FKBP15: variants seen among roughly 807,000 people sequenced by gnomAD.
FKBP15 encodes the protein FKBP prolyl isomerase family member 15.
FKBP15 carries 106 observed loss-of-function variants against 158.1 expected under a neutral mutation model. That is an observed-to-expected ratio of 0.67 (90% CI 0.57 to 0.79). FKBP15 has a LOEUF of 0.79. FKBP15 is among the 30% of genes least tolerant of loss of function. The pLI is 0.00. For synonymous variants in FKBP15, 547 were observed against 548.6 expected (o/e 1.00, Z 0.04); for missense variants, 1,287 against 1,479.1 (o/e 0.87, Z 2.13).
intron 9 of FKBP15, 92 bp from the exon 10 acceptor site, chr9:113,194,261 T>G: frequency 9.9e-7 from 1 of 1,015,218 alleles, no homozygotes; most frequent in African/African-American, 1.6e-5. Context: ...CTCTGGGGAC[T>G]GTTGTCGGGT....
At chr9:113,209,148 G>A (rs1830953988) in intron 2 of FKBP15, among the ~76,000 whole-genome samples, 1 of 151,966 alleles carries the variant, frequency 6.6e-6, no homozygotes, top group Admixed American at 6.6e-5. Flanking sequence ...TAAACTCATA[G>A]TTGCTGTCTT....
intron 24 of FKBP15, among the ~76,000 whole-genome samples, chr9:113,171,202 C>T (rs1830202193): frequency 6.6e-6 from 1 of 152,106 alleles, no homozygotes; most frequent in South Asian, 2.1e-4. Flanking sequence ...CTGAGGCAGG[C>T]GGATCACAAG....
intron 1 of FKBP15, among the ~76,000 whole-genome samples, chr9:113,218,807 A>T (rs1006150895): frequency 9.2e-5 from 14 of 152,300 alleles, no homozygotes; most frequent in African/African-American, 3.4e-4. Flanking sequence ...TAGAATCAAC[A>T]TTTGAATCTA....
At chr9:113,182,080 C>A (rs1005071673) in intron 19 of FKBP15, among the ~76,000 whole-genome samples, 7 of 152,116 alleles carry the variant, frequency 4.6e-5, no homozygotes, top group Non-Finnish European at 7.4e-5. Flanking sequence ...TGAGTAAACT[C>A]CACAAGTTAC....
rs142260547 is a variant in FKBP15, at chr9:113,218,511, T to G, written c.53+2680A>C. Among the ~76,000 whole-genome samples the G allele has an allele frequency of 6.3e-3, 958 of 151,768 alleles. 12 individuals are homozygous for G. Among genetic ancestry groups the G allele is most frequent in the African/African-American group, 0.022 (908 of 41,398 alleles). ...AATGTCTATGTATTTCTTAGAACAG[T>G]GTATGGCATTAAGTAAGCACAGAGT... On this transcript the variant is annotated intron_variant, in intron 1 of 27. Coordinates refer to ENST00000238256, the MANE Select transcript of FKBP15 (RefSeq NM_015258.2).
chr9:113,185,356 G>C (rs1214868272), intron 15 of FKBP15, among the ~76,000 whole-genome samples: 1 of 136,926 alleles, frequency 7.3e-6, no homozygotes, highest in Admixed American at 7.4e-5. Flanking sequence ...GAGGAAAGAG[G>C]GACAGAGAAT....
chr9:113,206,901 G>C, intron 3 of FKBP15: 1 of 427,970 alleles, frequency 2.3e-6, no homozygotes. Context: ...ATAATTTAAA[G>C]CTCATATACT....
At chr9:113,170,291 A>G (rs1830183514) in intron 25 of FKBP15, among the ~76,000 whole-genome samples, 1 of 151,980 alleles carries the variant, frequency 6.6e-6, no homozygotes, top group Non-Finnish European at 1.5e-5. Flanking sequence ...ATACCCGGCT[A>G]ATTTTTAAAT....
intron 1 of FKBP15, among the ~76,000 whole-genome samples, chr9:113,211,965 T>C (rs1831015636): frequency 6.6e-6 from 1 of 152,176 alleles, no homozygotes; most frequent in Admixed American, 6.5e-5. Flanking sequence ...ATTCTTGCTT[T>C]TAGCAAATCA....
chr9:113,172,732 A>G (rs1315906867), intron 23 of FKBP15, among the ~76,000 whole-genome samples: 1 of 152,266 alleles, frequency 6.6e-6, no homozygotes, highest in Non-Finnish European at 1.5e-5. Context: ...ATTTAGACAT[A>G]AACATTCAGC....
chr9:113,217,880 G>T (rs1216597437), intron 1 of FKBP15, among the ~76,000 whole-genome samples: 14 of 151,946 alleles, frequency 9.2e-5, no homozygotes. Context: ...TAAATTTTTA[G>T]ATTTTTCCAC....
intron 20 of FKBP15, among the ~76,000 whole-genome samples, chr9:113,177,127 C>T (rs1830313609): frequency 6.6e-6 from 1 of 152,208 alleles, no homozygotes; most frequent in Non-Finnish European, 1.5e-5. Context: ...GACATGTTCC[C>T]AGCAGTCAGA....
chr9:113,208,292 G>A (rs1420457214), intron 2 of FKBP15, among the ~76,000 whole-genome samples: 2 of 151,930 alleles, frequency 1.3e-5, no homozygotes, highest in Non-Finnish European at 2.9e-5. Flanking sequence ...AGCTGAGATC[G>A]CACCACTGCA....
chr9:113,220,727 T>C lies in FKBP15; in HGVS notation c.53+464A>G, dbSNP rs181773217. Among the ~76,000 whole-genome samples the C allele has an allele frequency of 7.2e-5, 11 of 152,314 alleles. No individual in the cohort carries two copies. The East Asian group carries it at 2.1e-3, about 29-fold the overall frequency. On this transcript the variant is annotated intron_variant, in intron 1 of 27. Coordinates refer to ENST00000238256, the MANE Select transcript of FKBP15 (RefSeq NM_015258.2). ...ATAAGGAAGAGAAAGCAATTCATTCTGCCTGAGGTTGCAGAAGGAAAAGCA... is the reference window on the plus strand; with the variant it reads ...ATAAGGAAGAGAAAGCAATTCATTCCGCCTGAGGTTGCAGAAGGAAAAGCA...
rs1261993240 is a variant in FKBP15, at chr9:113,162,412, G to A, written c.*3666C>T. ...TCTTTCCATTGTCATACTGCCTCCC[G>A]AAGTAGATTCAGGGGGGAAATATGC... On this transcript the variant is annotated 3_prime_UTR_variant, in exon 28 of 28. Coordinates refer to ENST00000238256, the MANE Select transcript of FKBP15 (RefSeq NM_015258.2). 3.2e-5 allele frequency: 7 copies of A among 220,792 alleles called. No individual in the cohort carries two copies. Among genetic ancestry groups the A allele is most frequent in the Admixed American group, 5.6e-5 (1 of 17,818 alleles). 13.7% of individuals were successfully genotyped at this position (220,792 alleles called of 1,614,324 possible). A position where few individuals can be genotyped will look rare whatever the true frequency, so the allele number is the denominator to read the frequency against.
intron 3 of FKBP15, 144 bp downstream of exon 3, chr9:113,207,068 C>A: frequency 3.1e-6 from 2 of 655,372 alleles, no homozygotes; most frequent in South Asian, 3.8e-5. Flanking sequence ...ATCTCCAATT[C>A]AGATGTTAAA....
At chr9:113,218,973 C>T (rs1831199520) in intron 1 of FKBP15, among the ~76,000 whole-genome samples, 2 of 152,128 alleles carry the variant, frequency 1.3e-5, no homozygotes, top group Admixed American at 1.3e-4. Flanking sequence ...ACATAATTGG[C>T]CCCTTAAAAA....
At chr9:113,173,701 T>G (rs546002645) in intron 22 of FKBP15, 96 bp from the exon 23 acceptor site, 3 of 1,290,586 alleles carry the variant, frequency 2.3e-6, no homozygotes, top group Non-Finnish European at 2.2e-6. Context: ...AGCAAAAGAA[T>G]AAGCTAACAG....
rs1564138620 is a variant in FKBP15 at position 113,161,489 on chromosome 9, A to C, written c.*4589T>G. The C allele has an allele frequency of 1.9e-6, 3 of 1,613,014 alleles. No homozygotes were observed. Among genetic ancestry groups the C allele is most frequent in the Non-Finnish European group, 2.5e-6 (3 of 1,179,534 alleles). On this transcript the variant is annotated 3_prime_UTR_variant, in exon 28 of 28. Transcript: ENST00000238256. ...AGTGCTGGCCTGGCCAGGTCTCCAC[A>C]ACTCTGCCTCCTTTGACAGGCATGG...
Sources: allele counts gnomAD v4.1 joint callset (sites outside exome capture counted in the v4.1 genomes callset), GRCh38; gene constraint gnomAD v4.1.1; transcripts MANE v1.5; gene names NCBI Gene and HGNC (gene_info 2026-07-23, HGNC 2026-07-21).